Variants in MALRD1 observed in about 807,000 individuals in gnomAD.
MALRD1 encodes MAM and LDL-receptor class A domain-containing protein 1.
Under a neutral mutation model 242.1 loss-of-function variants are expected in MALRD1, and 247 were observed. The observed-to-expected ratio is 1.02, with a 90% CI of 0.92 to 1.13. The LOEUF is 1.13. Ranked by LOEUF, MALRD1 falls within the 50% of genes most tolerant of loss-of-function variation. The pLI is 0.00. For synonymous variants in MALRD1, 995 were observed against 866.6 expected, an observed-to-expected ratio of 1.15 and a Z score of -2.60; for missense variants, 2,989 against 2,533.1, an observed-to-expected ratio of 1.18 and a Z score of -3.86.
At chr10:19,188,212 T>C (rs534871967) in intron 14 of MALRD1, among the ~76,000 whole-genome samples, 120 of 152,276 alleles carry the variant, frequency 7.9e-4, no homozygotes, top group African/African-American at 2.7e-3. Context: ...TTGATGCCCA[T>C]CGTCAATGAC....
chr10:19,437,974 T>C (rs2130971003), intron 28 of MALRD1, among the ~76,000 whole-genome samples: 1 of 152,264 alleles, frequency 6.6e-6, no homozygotes, highest in East Asian at 1.9e-4. Context: ...TGAGAACGTG[T>C]CTTTCTCTGC....
intron 19 of MALRD1, among the ~76,000 whole-genome samples, chr10:19,266,822 G>A (rs1463636770): frequency 1.3e-5 from 2 of 151,890 alleles, no homozygotes; most frequent in Non-Finnish European, 2.9e-5. Context: ...AAATGATGTT[G>A]TCTATTACCT....
intron 12 of MALRD1, 60 bp downstream of exon 12, chr10:19,155,232 G>A: frequency 1.0e-6 from 1 of 961,206 alleles, no homozygotes; most frequent in Non-Finnish European, 1.3e-6. Context: ...CTGAGCTTGG[G>A]TTACTCTGCT....
intron 32 of MALRD1, among the ~76,000 whole-genome samples, chr10:19,562,485 C>T (rs1836025665): frequency 6.6e-6 from 1 of 152,162 alleles, no homozygotes; most frequent in Non-Finnish European, 1.5e-5. Flanking sequence ...CACCCTGAGC[C>T]TCCAGCAGTT....
chr10:19,596,825 AAGG>A (rs1422883127), intron 34 of MALRD1, among the ~76,000 whole-genome samples: 1 of 149,788 alleles, frequency 6.7e-6, no homozygotes, highest in Non-Finnish European at 1.5e-5. Context: ...GAAAGGAGGA[AAGG>A]AGGAAGTGGG....
At chr10:19,409,771 T>C (rs1011202327) in intron 28 of MALRD1, among the ~76,000 whole-genome samples, 5 of 152,156 alleles carry the variant, frequency 3.3e-5, no homozygotes, top group African/African-American at 9.7e-5. Flanking sequence ...TAAATAAAAA[T>C]AATTATGTTA....
At chr10:19,395,203 T>G (rs1324603831) in intron 28 of MALRD1, among the ~76,000 whole-genome samples, 1 of 152,176 alleles carries the variant, frequency 6.6e-6, no homozygotes, top group Non-Finnish European at 1.5e-5. Context: ...CTGAGACAGA[T>G]CTCAGTCAAT....
intron 1 of MALRD1, chr10:19,051,494 A>C (rs1414785911): frequency 1.0e-5 from 2 of 194,488 alleles, no homozygotes; most frequent in East Asian, 2.4e-4. Context: ...AGTCCCTCTC[A>C]ATTTCCGACT....
intron 25 of MALRD1, 23 bp downstream of exon 25, chr10:19,348,041 C>G: frequency 6.5e-7 from 1 of 1,543,470 alleles, no homozygotes; most frequent in Non-Finnish European, 8.7e-7. Context: ...TCGAACCAAC[C>G]AACCAAACAA....
chr10:19,146,771 A>G (rs982389133), intron 11 of MALRD1, among the ~76,000 whole-genome samples: 4 of 152,314 alleles, frequency 2.6e-5, no homozygotes, highest in South Asian at 2.1e-4. Context: ...CTTGAATGCA[A>G]TTTAATCAGT....
At chr10:19,214,563 C>T (rs74118871) in intron 18 of MALRD1, among the ~76,000 whole-genome samples, 4,282 of 152,202 alleles carry the variant, frequency 0.028, 173 homozygotes, top group East Asian at 0.18. Context: ...GCTTATTTTG[C>T]AAGTGCTCAT....
chr10:19,623,928 A>G (rs1352300120), intron 36 of MALRD1, among the ~76,000 whole-genome samples: 2 of 152,186 alleles, frequency 1.3e-5, no homozygotes, highest in Non-Finnish European at 2.9e-5. Flanking sequence ...ATCACAATGC[A>G]TAAATATATG....
At chr10:19,315,085 G>GTAAATATAATTTATAT (rs1842594302) in intron 21 of MALRD1, among the ~76,000 whole-genome samples, 23 of 114,256 alleles carry the variant, frequency 2.0e-4, no homozygotes, top group South Asian at 7.7e-4. Context: ...ATAATTTATA[G>GTAAATATAATTTATAT]AAATATGTAA....
At chr10:19,358,123 T>C (rs1844716474) in intron 26 of MALRD1, among the ~76,000 whole-genome samples, 1 of 151,848 alleles carries the variant, frequency 6.6e-6, no homozygotes, top group Non-Finnish European at 1.5e-5. Context: ...GCAAATTCAA[T>C]CACGGTCATA....
At chr10:19,363,044 A>G (rs992819780) in intron 26 of MALRD1, among the ~76,000 whole-genome samples, 3 of 152,092 alleles carry the variant, frequency 2.0e-5, no homozygotes, top group Non-Finnish European at 2.9e-5. Flanking sequence ...CAGGCATTCA[A>G]TTTGGACATG....
chr10:19,589,756 C>T (rs1837663220), intron 33 of MALRD1, among the ~76,000 whole-genome samples: 1 of 152,154 alleles, frequency 6.6e-6, no homozygotes, highest in African/African-American at 2.4e-5. Context: ...TTTCTGAGTG[C>T]CCATCTACAT....
intron 4 of MALRD1, among the ~76,000 whole-genome samples, chr10:19,102,819 C>T (rs995672474): frequency 3.3e-5 from 5 of 151,466 alleles, no homozygotes; most frequent in Non-Finnish European, 7.4e-5. Context: ...GTGTCTTGGG[C>T]GGGCTCCACA....
intron 36 of MALRD1, among the ~76,000 whole-genome samples, chr10:19,663,875 C>T (rs184771311): frequency 1.2e-4 from 19 of 152,136 alleles, no homozygotes; most frequent in African/African-American, 4.3e-4. Flanking sequence ...TAGCTTTGAC[C>T]AGTGTTTTTT....
chr10:19,261,959 GTTGAC>G, intron 19 of MALRD1, among the ~76,000 whole-genome samples: 1 of 151,894 alleles, frequency 6.6e-6, no homozygotes, highest in Admixed American at 6.6e-5. Flanking sequence ...TCAAGTCAGT[GTTGAC>G]TTGAATGAAA....
Sources: allele counts gnomAD v4.1 joint callset (sites outside exome capture counted in the v4.1 genomes callset), GRCh38; gene constraint gnomAD v4.1.1; transcripts MANE v1.5; gene names NCBI Gene and HGNC (gene_info 2026-07-23, HGNC 2026-07-21).